Variants in TAFA2 observed in about 807,000 individuals in gnomAD.
TAFA2 encodes chemokine-like protein TAFA-2.
TAFA2 carries 7 observed loss-of-function variants against 18.8 expected under a neutral mutation model. The ratio of observed to expected loss-of-function variants is 0.37; its 90% CI spans 0.21 to 0.70. The LOEUF (loss-of-function observed/expected upper bound fraction) is 0.70, where lower values mean the gene tolerates loss of function less well. TAFA2 is among the 30% of genes least tolerant of loss of function. The pLI is 0.53. For missense variants in TAFA2, 122 were observed against 158.1 expected (o/e 0.77, Z 1.23); for synonymous variants, 60 against 54.2 (o/e 1.11, Z -0.47).
In TAFA2 at chr12:61,955,775, CTTAAT is replaced by C. The variant is rs1378940782; in HGVS notation, c.-1-88354_-1-88350del. Among the ~76,000 whole-genome samples the C allele has an allele frequency of 6.0e-5, 9 of 149,560 alleles. No homozygotes were observed. The East Asian group carries it at 1.8e-3, about 30-fold the overall frequency. On this transcript the variant is annotated intron_variant, in intron 1 of 4. Transcript: ENST00000416284. ...AGAACTCCATGAATCTCACAAATGT[CTTAAT>C]TTAATGTACATGGTTTTCACAATGA...
At chr12:61,973,598 C>T (rs1247327459) in intron 1 of TAFA2, among the ~76,000 whole-genome samples, 2 of 151,558 alleles carry the variant, frequency 1.3e-5, no homozygotes, top group Non-Finnish European at 3.0e-5. Flanking sequence ...ATCTCAATCC[C>T]CTAGGGTGAG....
At chr12:61,711,089 T>C (rs1869385447) in intron 4 of TAFA2, among the ~76,000 whole-genome samples, 1 of 152,074 alleles carries the variant, frequency 6.6e-6, no homozygotes, top group Non-Finnish European at 1.5e-5. Flanking sequence ...CTATTTTAAG[T>C]ATCACTAAAA....
chr12:61,746,735 G>T (rs557611818), intron 4 of TAFA2, among the ~76,000 whole-genome samples: 2 of 152,236 alleles, frequency 1.3e-5, no homozygotes, highest in African/African-American at 4.8e-5. Flanking sequence ...TGAAGGCAGG[G>T]ATTTTCATCC....
At chr12:61,809,066 T>C (rs933421995) in intron 2 of TAFA2, among the ~76,000 whole-genome samples, 10 of 151,576 alleles carry the variant, frequency 6.6e-5, no homozygotes, top group African/African-American at 2.2e-4. Flanking sequence ...ACACCCAAGT[T>C]TGAAGTATGT....
intron 1 of TAFA2, among the ~76,000 whole-genome samples, chr12:62,083,497 A>G (rs1868354381): frequency 1.3e-5 from 2 of 152,176 alleles, no homozygotes; most frequent in African/African-American, 4.8e-5. Context: ...CTATCCTTCA[A>G]TAAAACCTCT....
intron 1 of TAFA2, among the ~76,000 whole-genome samples, chr12:62,152,068 A>G (rs558092473): frequency 5.9e-5 from 9 of 152,340 alleles, no homozygotes; most frequent in African/African-American, 2.2e-4. Flanking sequence ...AAAATACACA[A>G]CAGAATGCTA....
chr12:62,101,826 T>C (rs1467288305), intron 1 of TAFA2, among the ~76,000 whole-genome samples: 2 of 152,082 alleles, frequency 1.3e-5, no homozygotes, highest in Non-Finnish European at 2.9e-5. Flanking sequence ...CAATGGTATA[T>C]TGAAATGAAA....
intron 1 of TAFA2, among the ~76,000 whole-genome samples, chr12:62,224,175 A>G (rs2062776238): frequency 6.6e-6 from 1 of 152,056 alleles, no homozygotes; most frequent in Admixed American, 6.5e-5. Context: ...ATGCTAAAAC[A>G]TGGAGGAGGT....
chr12:62,087,938 A>C (rs1423965491), intron 1 of TAFA2, among the ~76,000 whole-genome samples: 1 of 152,104 alleles, frequency 6.6e-6, no homozygotes, highest in Non-Finnish European at 1.5e-5. Context: ...TTTTCATTAT[A>C]AATAGGGTAA....
chr12:62,104,411 T>C (rs1869354016), intron 1 of TAFA2, among the ~76,000 whole-genome samples: 1 of 152,194 alleles, frequency 6.6e-6, no homozygotes, highest in African/African-American at 2.4e-5. Context: ...ACAACTAAAG[T>C]CACAAGCTGG....
chr12:61,902,978 T>A (rs10747948), intron 1 of TAFA2, among the ~76,000 whole-genome samples: 83,555 of 151,560 alleles, frequency 0.55, 24,560 homozygotes, highest in African/African-American at 0.76. Flanking sequence ...TTAAATATTC[T>A]TTAAATCCAT....
intron 1 of TAFA2, among the ~76,000 whole-genome samples, chr12:61,873,366 A>G (rs1044401424): frequency 2.0e-5 from 3 of 151,958 alleles, no homozygotes; most frequent in African/African-American, 7.2e-5. Context: ...TTAGTTACAT[A>G]TGTATACATG....
At chr12:61,762,633 T>TATATATATATATA (rs1555162980) in intron 2 of TAFA2, among the ~76,000 whole-genome samples, 32 of 147,618 alleles carry the variant, frequency 2.2e-4, no homozygotes, top group South Asian at 8.5e-4. Flanking sequence ...ATTTCATTTT[T>TATATATATATATA]TATATATATA....
At chr12:62,058,823 T>C (rs1426607067) in intron 1 of TAFA2, among the ~76,000 whole-genome samples, 1 of 152,016 alleles carries the variant, frequency 6.6e-6, no homozygotes, top group African/African-American at 2.4e-5. Flanking sequence ...TATATCTGAG[T>C]GCGGGTGCAA....
chr12:62,067,958 ATT>A (rs1882533809), intron 1 of TAFA2, among the ~76,000 whole-genome samples: 2 of 151,592 alleles, frequency 1.3e-5, no homozygotes, highest in African/African-American at 4.8e-5. Context: ...CCTTTTAATA[ATT>A]TTTGTTTTTA....
chr12:61,957,442 G>A (rs574017313), intron 1 of TAFA2, among the ~76,000 whole-genome samples: 1 of 152,210 alleles, frequency 6.6e-6, no homozygotes, highest in African/African-American at 2.4e-5. Context: ...ACTAAGAGGA[G>A]TCATCAATGG....
chr12:62,107,991 G>C (rs1869537482), intron 1 of TAFA2, among the ~76,000 whole-genome samples: 2 of 151,666 alleles, frequency 1.3e-5, no homozygotes, highest in Admixed American at 6.6e-5. Flanking sequence ...CCATATAAAA[G>C]CTTTTTTTAT....
At chr12:61,770,029 T>C (rs1302338326) in intron 2 of TAFA2, among the ~76,000 whole-genome samples, 1 of 151,770 alleles carries the variant, frequency 6.6e-6, no homozygotes, top group Non-Finnish European at 1.5e-5. Context: ...TAAAGAAATA[T>C]ATGGCATAAA....
chr12:62,012,241 C>T (rs1880794527), intron 1 of TAFA2, among the ~76,000 whole-genome samples: 1 of 152,102 alleles, frequency 6.6e-6, no homozygotes, highest in African/African-American at 2.4e-5. Context: ...ATCTGACTGT[C>T]ACATTATTAA....
Sources: allele counts gnomAD v4.1 joint callset (sites outside exome capture counted in the v4.1 genomes callset), GRCh38; gene constraint gnomAD v4.1.1; transcripts MANE v1.5; gene names NCBI Gene and HGNC (gene_info 2026-07-23, HGNC 2026-07-21).